Variants in SYNE1 observed in about 807,000 individuals in gnomAD.
SYNE1 encodes the protein nesprin-1.
Under a neutral mutation model 1,111.0 loss-of-function variants are expected in SYNE1, and 616 were observed. That is an observed-to-expected ratio of 0.55 (90% CI 0.52 to 0.59). The LOEUF is 0.59. SYNE1 is among the 20% of genes least tolerant of loss of function. The probability of loss-of-function intolerance (pLI) is 0.00; values close to 1 mark genes in which losing one functional copy is unlikely to be tolerated. For synonymous variants in SYNE1, 3,855 were observed against 3,825.8 expected (o/e 1.01, Z -0.28); for missense variants, 10,006 against 10,417.0 (o/e 0.96, Z 1.72).
At chr6:152,195,133 C>T (rs2153276453) in intron 127 of SYNE1, among the ~76,000 whole-genome samples, 1 of 152,210 alleles carries the variant, frequency 6.6e-6, no homozygotes, top group African/African-American at 2.4e-5. Flanking sequence ...GTTGGCCAGG[C>T]TGGTCTCAAA....
Position 152,406,350 on chromosome 6 carries a change from A to G in SYNE1, c.6723+664T>C, listed in dbSNP as rs564869599. 1.4e-3 allele frequency among the ~76,000 whole-genome samples: 215 copies of G among 152,290 alleles called. 2 individuals are homozygous for G. The highest frequency in any genetic ancestry group is 6.8e-3 in the Middle Eastern group (2 of 294). ...GAATAAGGAAAAATAGATACTAAAC[A>G]TTACTAAATTACAAACACTTCCAAT... On this transcript the variant is annotated intron_variant, in intron 45 of 145. Coordinates refer to ENST00000367255, the MANE Select transcript of SYNE1 (RefSeq NM_182961.4).
intron 100 of SYNE1, among the ~76,000 whole-genome samples, chr6:152,266,878 A>G (rs529207393): frequency 6.6e-6 from 1 of 152,174 alleles, no homozygotes; most frequent in Admixed American, 6.5e-5. Flanking sequence ...GTCATATGTC[A>G]GCACTGATTA....
At position 152,253,200 on chromosome 6, in the gene SYNE1, C is replaced by T. The variant is rs145878678; in HGVS notation, c.19470+1680G>A. Among the ~76,000 whole-genome samples the T allele has an allele frequency of 1.2e-4, 19 of 152,188 alleles. No individual in the cohort carries two copies. The East Asian group carries it at 2.9e-3, about 23-fold the overall frequency. ...ACATTCTCCATCTTCCCTGAGATCA[C>T]CCTAATATGATAAAATACAAAAATA... On this transcript the variant is annotated intron_variant, in intron 104 of 145. Coordinates refer to ENST00000367255, the MANE Select transcript of SYNE1 (RefSeq NM_182961.4).
chr6:152,303,402 C>CAAAAAAA (rs373230705), intron 91 of SYNE1, among the ~76,000 whole-genome samples: 1 of 120,424 alleles, frequency 8.3e-6, no homozygotes. Context: ...GACTCTGTCT[C>CAAAAAAA]AAAAAAAAAA....
At chr6:152,264,206 C>CAGAA (rs2092427293) in intron 100 of SYNE1, among the ~76,000 whole-genome samples, 1 of 45,896 alleles carries the variant, frequency 2.2e-5, no homozygotes. Context: ...GACTCCATCT[C>CAGAA]AAAAAAAAAA....
intron 3 of SYNE1, among the ~76,000 whole-genome samples, chr6:152,583,444 T>C (rs2099527063): frequency 6.6e-6 from 1 of 152,316 alleles, no homozygotes; most frequent in South Asian, 2.1e-4. Context: ...ATAAAAATAG[T>C]GTCACCAGCT....
Position 152,311,309 on chromosome 6 carries a change from A to G in SYNE1, c.16711-436T>C, listed in dbSNP as rs981062591. On this transcript the variant is annotated intron_variant, in intron 87 of 145. Coordinates refer to ENST00000367255, the MANE Select transcript of SYNE1 (RefSeq NM_182961.4). ...ATACGACTGAAGTTCATATTTGTCT[A>G]AGAAATGAAAATAAGAACAAGAGCA... 3.5e-4 allele frequency: 68 copies of G among 196,378 alleles called. 1 individual carries two copies. The highest frequency in any genetic ancestry group is 3.4e-3 in the Admixed American group (65 of 18,938). The allele number at this position is 196,378 out of a possible 1,614,324, so 12.2% of individuals were successfully genotyped here.
intron 3 of SYNE1, among the ~76,000 whole-genome samples, chr6:152,583,048 T>C (rs1448790838): frequency 2.0e-5 from 3 of 152,218 alleles, no homozygotes; most frequent in African/African-American, 2.4e-5. Context: ...TCTGAAGTGT[T>C]ATAAATCTTA....
At chr6:152,230,849 C>T in intron 114 of SYNE1, 147 bp from the exon 115 acceptor site, 1 of 943,612 alleles carries the variant, frequency 1.1e-6, no homozygotes, top group Non-Finnish European at 1.6e-6. Context: ...ACAGGGGTGT[C>T]TAATCTTTTG....
In SYNE1 at chr6:152,145,396, C is replaced by T. The variant is rs1234630857; in HGVS notation, c.24977-1631G>A. ...GCTGTGCCTTAACATGCTAGAGCCA[C>T]AAAGCTGGGAGAGAGACAGCAGATG... On this transcript the variant is annotated intron_variant, in intron 137 of 145. Coordinates refer to ENST00000367255, the MANE Select transcript of SYNE1 (RefSeq NM_182961.4). 4.6e-6 allele frequency: 6 copies of T among 1,293,710 alleles called. No individual in the cohort carries two copies. In the Admixed American group the frequency reaches 1.1e-4, roughly 24 times the overall value. The allele number at this position is 1,293,710 out of a possible 1,614,324, so 80.1% of individuals were successfully genotyped here.
chr6:152,586,645 C>T (rs1280651833), intron 3 of SYNE1, among the ~76,000 whole-genome samples: 1 of 115,506 alleles, frequency 8.7e-6, no homozygotes, highest in Non-Finnish European at 1.8e-5. Flanking sequence ...TATATACAAA[C>T]ATACTCTCAT....
intron 3 of SYNE1, among the ~76,000 whole-genome samples, chr6:152,585,941 G>T (rs2099536993): frequency 6.6e-6 from 1 of 152,106 alleles, no homozygotes; most frequent in Admixed American, 6.6e-5. Context: ...GGGTGTCTGT[G>T]TGTGCTGTGT....
In SYNE1 at chr6:152,399,758, G is replaced by A. The variant is rs1236983030; in HGVS notation, c.7095C>T (p.Ser2365=). Residue 2365 remains serine, a synonymous_variant, in exon 48 of 146, where the codon AGC becomes AGT. Coordinates refer to ENST00000367255, the MANE Select transcript of SYNE1 (RefSeq NM_182961.4). The part of the protein sequence containing the change: ...NISSTQENLN[S]LCRKYHSAEL... The stretch of plus-strand genomic sequence containing the variant: ...CAGCTGAGTGGTACTTGCGGCACAA[G>A]CTATTGAGATTTTCTTGGGTAGAGC... 22 of 1,614,096 alleles carry A rather than the reference G, an allele frequency of 1.4e-5. No homozygotes were observed. Among genetic ancestry groups the A allele is most frequent in the Middle Eastern group, 1.7e-4 (1 of 6,060 alleles).
chr6:152,616,582 A>AAAC (rs900560744), intron 3 of SYNE1, among the ~76,000 whole-genome samples: 4 of 152,174 alleles, frequency 2.6e-5, no homozygotes, highest in South Asian at 2.1e-4. Context: ...TCTCAAAACA[A>AAAC]AACAACAACA....
chr6:152,530,493 A>T (rs1246342286), intron 4 of SYNE1, among the ~76,000 whole-genome samples: 1 of 151,302 alleles, frequency 6.6e-6, no homozygotes, highest in Non-Finnish European at 1.5e-5. Context: ...TTTTTACTAA[A>T]ACAGTCCCCC....
chr6:152,452,834 G>T (rs2098662263), intron 25 of SYNE1, among the ~76,000 whole-genome samples: 1 of 152,138 alleles, frequency 6.6e-6, no homozygotes, highest in Non-Finnish European at 1.5e-5. Context: ...AAAGTCAGAC[G>T]GAAGCCCGCG....
At chr6:152,187,178 C>A (rs2070403954) in intron 128 of SYNE1, among the ~76,000 whole-genome samples, 1 of 152,006 alleles carries the variant, frequency 6.6e-6, no homozygotes, top group Non-Finnish European at 1.5e-5. Context: ...TACATGTATC[C>A]CCCGTTTTAA....
At position 152,613,083 on chromosome 6, in the gene SYNE1, G is replaced by A. The variant is rs190423482; in HGVS notation, c.67+15182C>T. On this transcript the variant is annotated intron_variant, in intron 3 of 145. Coordinates refer to ENST00000367255, the MANE Select transcript of SYNE1 (RefSeq NM_182961.4). ...ACTGGAAGCATTCCCTTTGAAAACC[G>A]GCACAAGACAAGGATGCCCTCTCTC... is the stretch of plus-strand genomic sequence containing the variant. Among the ~76,000 whole-genome samples, 26 of 152,176 alleles carry A rather than the reference G, an allele frequency of 1.7e-4. No homozygotes were observed. The East Asian group carries it at 4.6e-3, about 27-fold the overall frequency.
At position 152,221,044 on chromosome 6, in the gene SYNE1, C is replaced by T. The variant is rs960281682; in HGVS notation, c.21659G>A (p.Trp7220Ter). 2 of 1,614,036 alleles carry T rather than the reference C, an allele frequency of 1.2e-6. No homozygotes were observed. The highest frequency in any genetic ancestry group is 1.7e-6 in the Non-Finnish European group (2 of 1,179,972). The change falls in exon 119 of 146, where the codon TGG (tryptophan) becomes TAG (stop). Residue 7220 changes from tryptophan to a stop codon, truncating the protein, a stop_gained and splice_region_variant. Transcript: ENST00000367255. LOFTEE classifies it high-confidence loss of function. ...TNTLKEVNMR[W>*]NNLLEEIAEQ... The stretch of plus-strand genomic sequence containing the variant: ...AGCAATCTCTTCCAGCAAGTTATTC[C>T]ATCTGGAAATAATAACCAACACTCA...
Sources: allele counts gnomAD v4.1 joint callset (sites outside exome capture counted in the v4.1 genomes callset), GRCh38; gene constraint gnomAD v4.1.1; transcripts MANE v1.5; gene names NCBI Gene and HGNC (gene_info 2026-07-23, HGNC 2026-07-21).